GRIN2A: variants seen among roughly 807,000 people sequenced by gnomAD.
GRIN2A encodes the protein glutamate ionotropic receptor NMDA type subunit 2A.
Under a neutral mutation model 113.4 loss-of-function variants are expected in GRIN2A, and 22 were observed. That is an observed-to-expected ratio of 0.19 (90% CI 0.14 to 0.28). GRIN2A has a LOEUF of 0.28. Ranked by LOEUF, GRIN2A falls within the 10% of genes least tolerant of loss-of-function variation. The pLI is 1.00. For synonymous variants in GRIN2A, 827 were observed against 738.4 expected, an observed-to-expected ratio of 1.12 and a Z score of -1.94; for missense variants, 1,502 against 1,887.0, an observed-to-expected ratio of 0.80 and a Z score of 3.78.
intron 2 of GRIN2A, among the ~76,000 whole-genome samples, chr16:10,042,898 G>C (rs902468994): frequency 3.3e-5 from 5 of 152,160 alleles, no homozygotes; most frequent in African/African-American, 1.2e-4. Context: ...CAACACTAAG[G>C]ATGGTAGAAC....
At chr16:10,107,196 G>T (rs374348300) in intron 2 of GRIN2A, among the ~76,000 whole-genome samples, 3 of 152,270 alleles carry the variant, frequency 2.0e-5, no homozygotes, top group South Asian at 4.2e-4. Context: ...TCTGTATTTG[G>T]AAGAGCTAAG....
At chr16:9,864,164 A>G (rs967296646) in intron 4 of GRIN2A, among the ~76,000 whole-genome samples, 5 of 152,196 alleles carry the variant, frequency 3.3e-5, no homozygotes, top group African/African-American at 1.2e-4. Flanking sequence ...CATAACATCC[A>G]ATTGTAAAAT....
chr16:9,973,769 T>A (rs1405495244), intron 2 of GRIN2A, among the ~76,000 whole-genome samples: 1 of 152,260 alleles, frequency 6.6e-6, no homozygotes, highest in Middle Eastern at 3.4e-3. Context: ...TGGAATAATG[T>A]CTTTATAAGT....
chr16:10,099,875 T>G (rs1399555506), intron 2 of GRIN2A, among the ~76,000 whole-genome samples: 1 of 152,196 alleles, frequency 6.6e-6, no homozygotes, highest in African/African-American at 2.4e-5. Flanking sequence ...TGCCGAGTGC[T>G]GGGGATATAA....
intron 2 of GRIN2A, among the ~76,000 whole-genome samples, chr16:10,102,730 T>G (rs909226538): frequency 6.6e-6 from 1 of 152,056 alleles, no homozygotes; most frequent in African/African-American, 2.4e-5. Flanking sequence ...TGTTTCTTTA[T>G]AGCAACACAA....
chr16:9,867,049 C>G (rs2043172348), intron 4 of GRIN2A, among the ~76,000 whole-genome samples: 1 of 152,138 alleles, frequency 6.6e-6, no homozygotes, highest in South Asian at 2.1e-4. Context: ...CTTCCCGATT[C>G]CAACTTAGAC....
chr16:10,076,085 A>G (rs529606004), intron 2 of GRIN2A, among the ~76,000 whole-genome samples: 8 of 152,220 alleles, frequency 5.3e-5, no homozygotes, highest in African/African-American at 1.9e-4. Flanking sequence ...CAAAATGTGA[A>G]TGTTCCTTAG....
intron 4 of GRIN2A, among the ~76,000 whole-genome samples, chr16:9,878,565 G>A (rs2043416750): frequency 6.6e-6 from 1 of 152,034 alleles, no homozygotes; most frequent in Non-Finnish European, 1.5e-5. Context: ...CTCAACTAAT[G>A]GTAGCTGCTG....
At chr16:9,806,171 T>A (rs527237272) in intron 10 of GRIN2A, among the ~76,000 whole-genome samples, 1 of 152,342 alleles carries the variant, frequency 6.6e-6, no homozygotes, top group South Asian at 2.1e-4. Context: ...AATTCTTTTG[T>A]GTTTAAATTT....
intron 11 of GRIN2A, among the ~76,000 whole-genome samples, chr16:9,792,566 A>G (rs948534938): frequency 2.0e-5 from 3 of 152,174 alleles, no homozygotes; most frequent in Admixed American, 2.0e-4. Flanking sequence ...CATATCTTTC[A>G]AATACTTCAC....
chr16:10,169,500 A>G (rs1439521458), intron 2 of GRIN2A, among the ~76,000 whole-genome samples: 1 of 152,218 alleles, frequency 6.6e-6, no homozygotes, highest in African/African-American at 2.4e-5. Context: ...ATGAAAGGAT[A>G]GAGGCCCTAG....
rs72774165 is a variant in GRIN2A at position 10,080,912 on chromosome 16, G to A, written c.414+99086C>T. ...TCAGGTAGCCCATTCCTTCATTCCC[G>A]TCTCAAATGTTCTGCCCCAGTGAAT... On this transcript the variant is annotated intron_variant, in intron 2 of 12. Transcript: ENST00000330684. 4.5e-3 allele frequency among the ~76,000 whole-genome samples: 679 copies of A among 152,114 alleles called. 4 individuals are homozygous for A. The highest frequency in any genetic ancestry group is 0.041 in the Middle Eastern group (12 of 294).
At chr16:10,116,400 A>T (rs11646046) in intron 2 of GRIN2A, among the ~76,000 whole-genome samples, 128,058 of 151,834 alleles carry the variant, frequency 0.84, 54,774 homozygotes, top group East Asian at 0.92. Context: ...GGTGCAGCAA[A>T]CCACTATGGC....
chr16:9,957,929 G>C (rs1436629622), intron 2 of GRIN2A, among the ~76,000 whole-genome samples: 1 of 151,992 alleles, frequency 6.6e-6, no homozygotes, highest in Non-Finnish European at 1.5e-5. Context: ...TGATATGAAG[G>C]GCTTCCCCAA....
At chr16:9,927,461 C>T (rs552131335) in intron 3 of GRIN2A, among the ~76,000 whole-genome samples, 1 of 152,228 alleles carries the variant, frequency 6.6e-6, no homozygotes, top group African/African-American at 2.4e-5. Flanking sequence ...ATCACACTGC[C>T]CAAAAAGCAG....
chr16:10,047,641 G>A (rs901936431), intron 2 of GRIN2A, among the ~76,000 whole-genome samples: 1 of 152,138 alleles, frequency 6.6e-6, no homozygotes. Context: ...AATCCCAATA[G>A]CCAGCACCTT....
chr16:10,041,302 A>G (rs1211022200), intron 2 of GRIN2A, among the ~76,000 whole-genome samples: 1 of 152,198 alleles, frequency 6.6e-6, no homozygotes, highest in Non-Finnish European at 1.5e-5. Context: ...ATCTTAATAA[A>G]TTTTGAATCA....
intron 3 of GRIN2A, among the ~76,000 whole-genome samples, chr16:9,908,969 G>A (rs962537751): frequency 6.6e-5 from 10 of 152,178 alleles, no homozygotes; most frequent in African/African-American, 2.2e-4. Context: ...GTGAGAGGTT[G>A]ACTTAAGCAT....
At chr16:9,937,013 T>G (rs1441196438) in intron 3 of GRIN2A, among the ~76,000 whole-genome samples, 1 of 152,204 alleles carries the variant, frequency 6.6e-6, no homozygotes, top group East Asian at 1.9e-4. Context: ...AAAAAACACT[T>G]GCACATGTGC....
Sources: gnomAD v4.1 joint callset for allele counts (sites outside exome capture counted in the v4.1 genomes callset) on GRCh38, gnomAD v4.1.1 for gene constraint, MANE v1.5 for transcripts, NCBI Gene and HGNC (gene_info 2026-07-23, HGNC 2026-07-21) for gene names.